TMEM135: variants seen among roughly 807,000 people sequenced by gnomAD.
The protein encoded by TMEM135 is transmembrane protein 135, also known as peroxisomal membrane protein 52.
Under a neutral mutation model 60.3 loss-of-function variants are expected in TMEM135, and 30 were observed. The observed-to-expected ratio is 0.50, with a 90% CI of 0.37 to 0.68. The LOEUF (loss-of-function observed/expected upper bound fraction) is 0.68, where lower values mean the gene tolerates loss of function less well. Ranked by LOEUF, TMEM135 falls within the 30% of genes least tolerant of loss-of-function variation. The pLI, the probability that TMEM135 is intolerant of heterozygous loss-of-function variation, is 0.00. For synonymous variants in TMEM135, 190 were observed against 186.7 expected, an observed-to-expected ratio of 1.02 and a Z score of -0.14; for missense variants, 468 against 548.8, an observed-to-expected ratio of 0.85 and a Z score of 1.47.
chr11:87,146,514 G>A (rs1192184016), intron 4 of TMEM135, among the ~76,000 whole-genome samples: 4 of 152,090 alleles, frequency 2.6e-5, no homozygotes, highest in African/African-American at 9.7e-5. Context: ...GTAGCTGGGA[G>A]GCTACTTCCG....
chr11:87,205,250 T>C (rs994023200), intron 5 of TMEM135, among the ~76,000 whole-genome samples: 4 of 152,172 alleles, frequency 2.6e-5, no homozygotes, highest in Non-Finnish European at 5.9e-5. Flanking sequence ...CATACGGTTG[T>C]TTTATGGAAT....
At chr11:87,162,209 G>T (rs1426100134) in intron 5 of TMEM135, among the ~76,000 whole-genome samples, 1 of 151,428 alleles carries the variant, frequency 6.6e-6, no homozygotes, top group African/African-American at 2.4e-5. Context: ...TTTTTTTTTG[G>T]AGAGTTTATT....
At chr11:87,305,825 CTCTT>C (rs1016923008) in intron 8 of TMEM135, 107 bp from the exon 9 acceptor site, 12 of 500,116 alleles carry the variant, frequency 2.4e-5, no homozygotes, top group African/African-American at 2.2e-4. Flanking sequence ...TTTCTTCTCT[CTCTT>C]TTTTTTTTTG....
At chr11:87,224,184 C>T (rs923046330) in intron 5 of TMEM135, among the ~76,000 whole-genome samples, 1 of 152,128 alleles carries the variant, frequency 6.6e-6, no homozygotes, top group African/African-American at 2.4e-5. Flanking sequence ...ATTATATGTC[C>T]TACTTGTTGT....
intron 4 of TMEM135, among the ~76,000 whole-genome samples, chr11:87,127,999 C>A (rs1438573230): frequency 6.6e-6 from 1 of 152,130 alleles, no homozygotes; most frequent in Non-Finnish European, 1.5e-5. Flanking sequence ...TTCAAATAGG[C>A]AAATAAGTGT....
intron 5 of TMEM135, among the ~76,000 whole-genome samples, chr11:87,183,892 G>T (rs530784802): frequency 1.6e-3 from 228 of 144,054 alleles, no homozygotes; most frequent in African/African-American, 2.9e-3. Context: ...GGAGGTGGAG[G>T]TTGCAGTGAG....
chr11:87,277,706 G>A (rs2135417323), intron 6 of TMEM135, among the ~76,000 whole-genome samples: 1 of 151,988 alleles, frequency 6.6e-6, no homozygotes, highest in African/African-American at 2.4e-5. Flanking sequence ...ATTTTTAATA[G>A]AGACAGGGTT....
chr11:87,053,883 T>A (rs11234930), intron 1 of TMEM135, among the ~76,000 whole-genome samples: 6 of 152,188 alleles, frequency 3.9e-5, no homozygotes, highest in African/African-American at 1.4e-4. Flanking sequence ...TGATATGCTC[T>A]TAATGTTGTG....
intron 6 of TMEM135, among the ~76,000 whole-genome samples, chr11:87,249,301 A>C (rs1343861497): frequency 6.6e-6 from 1 of 152,138 alleles, no homozygotes; most frequent in Non-Finnish European, 1.5e-5. Flanking sequence ...TTATCATGAA[A>C]AGATGTTGAA....
chr11:87,146,657 A>C (rs989806878), intron 4 of TMEM135, among the ~76,000 whole-genome samples: 29 of 152,278 alleles, frequency 1.9e-4, no homozygotes, highest in African/African-American at 6.7e-4. Context: ...TATTTGTCAA[A>C]CATCCGTTAA....
At chr11:87,280,703 G>T (rs1298614755) in intron 6 of TMEM135, among the ~76,000 whole-genome samples, 1 of 152,066 alleles carries the variant, frequency 6.6e-6, no homozygotes, top group African/African-American at 2.4e-5. Flanking sequence ...ATACCTTCTG[G>T]ATTGTGAATT....
At chr11:87,089,448 C>T (rs1277153502) in intron 3 of TMEM135, among the ~76,000 whole-genome samples, 3 of 151,984 alleles carry the variant, frequency 2.0e-5, no homozygotes, top group African/African-American at 7.3e-5. Context: ...GAAACTGAGG[C>T]AGTAAGATCA....
rs1219932364 is a variant in TMEM135 at position 87,043,011 on chromosome 11, A to G, written c.141+4825A>G. ...GCTCTTGTTGCTCAGGCTGGAGTGC[A>G]GTGGTGTGATCTCGGCTCACTACAA... On this transcript the variant is annotated intron_variant, in intron 1 of 14. Transcript: ENST00000305494. 2.7e-5 allele frequency among the ~76,000 whole-genome samples: 4 copies of G among 148,164 alleles called. No individual in the cohort carries two copies. In the East Asian group the frequency reaches 6.0e-4, roughly 22 times the overall value.
chr11:87,211,517 T>G (rs911596771), intron 5 of TMEM135, among the ~76,000 whole-genome samples: 1 of 152,132 alleles, frequency 6.6e-6, no homozygotes, highest in African/African-American at 2.4e-5. Flanking sequence ...ATTGCAGAAT[T>G]TGGTGACTTT....
chr11:87,223,696 C>CACACACAT (rs1326714722), intron 5 of TMEM135, among the ~76,000 whole-genome samples: 12 of 149,520 alleles, frequency 8.0e-5, no homozygotes, highest in African/African-American at 2.5e-4. Context: ...CACACACACA[C>CACACACAT]AAAATTAGCT....
chr11:87,146,521 T>A (rs2135252913), intron 4 of TMEM135, among the ~76,000 whole-genome samples: 1 of 152,294 alleles, frequency 6.6e-6, no homozygotes, highest in African/African-American at 2.4e-5. Context: ...GGAGGCTACT[T>A]CCGTGTGTGA....
intron 14 of TMEM135, among the ~76,000 whole-genome samples, chr11:87,320,668 T>C (rs765741767): frequency 2.0e-5 from 3 of 152,184 alleles, no homozygotes; most frequent in South Asian, 2.1e-4. Context: ...ATATTTTTAC[T>C]GTGTTGTGTC....
intron 5 of TMEM135, among the ~76,000 whole-genome samples, chr11:87,174,316 A>G (rs1427067846): frequency 1.3e-5 from 2 of 152,158 alleles, no homozygotes; most frequent in Non-Finnish European, 2.9e-5. Flanking sequence ...TATACTTTCT[A>G]TTAACATGAT....
intron 9 of TMEM135, among the ~76,000 whole-genome samples, chr11:87,308,715 A>C (rs574349406): frequency 4.7e-4 from 71 of 152,294 alleles, no homozygotes; most frequent in African/African-American, 1.6e-3. Context: ...TTCAGTTTCA[A>C]TATTAATTAC....
Sources: allele counts gnomAD v4.1 joint callset (sites outside exome capture counted in the v4.1 genomes callset), GRCh38; gene constraint gnomAD v4.1.1; transcripts MANE v1.5; gene names NCBI Gene and HGNC (gene_info 2026-07-23, HGNC 2026-07-21).